SLC4A4: variants seen among roughly 807,000 people sequenced by gnomAD.
SLC4A4 encodes electrogenic sodium bicarbonate cotransporter 1.
Under a neutral mutation model 111.5 loss-of-function variants are expected in SLC4A4, and 27 were observed. The observed-to-expected ratio is 0.24, with a 90% confidence interval of 0.18 to 0.33. The LOEUF is 0.33. Among genes scored for constraint, SLC4A4 ranks in the 10% least tolerant of loss-of-function variants. SLC4A4 has a pLI of 1.00. For synonymous variants in SLC4A4, 443 were observed against 463.4 expected, an observed-to-expected ratio of 0.96 and a Z score of 0.57; for missense variants, 909 against 1,315.5, an observed-to-expected ratio of 0.69 and a Z score of 4.78.
intron 21 of SLC4A4, among the ~76,000 whole-genome samples, chr4:71,556,915 G>A (rs1158932659): frequency 6.6e-6 from 1 of 151,956 alleles, no homozygotes. Context: ...TATTTACTGA[G>A]CATCTTTCAT....
chr4:71,222,550 G>A (rs1718810527), intron 1 of SLC4A4, among the ~76,000 whole-genome samples: 2 of 152,260 alleles, frequency 1.3e-5, no homozygotes, highest in African/African-American at 4.8e-5. Context: ...ATAATGCCTA[G>A]TCATAGCAGA....
At chr4:71,123,883 C>A (rs1743496027) in intron 2 of SLC4A4, among the ~76,000 whole-genome samples, 1 of 152,122 alleles carries the variant, frequency 6.6e-6, no homozygotes, top group African/African-American at 2.4e-5. Context: ...TTAAAAGCAT[C>A]AATTGGGACA....
intron 13 of SLC4A4, among the ~76,000 whole-genome samples, chr4:71,471,157 G>C (rs1413775836): frequency 2.0e-5 from 3 of 151,898 alleles, no homozygotes; most frequent in African/African-American, 4.8e-5. Context: ...TAGTTCATAG[G>C]TCAGTGTCAG....
intron 1 of SLC4A4, among the ~76,000 whole-genome samples, chr4:71,085,188 C>T (rs533907511): frequency 2.0e-5 from 3 of 152,106 alleles, no homozygotes; most frequent in Non-Finnish European, 4.4e-5. Context: ...TGTCTTTTGG[C>T]TGCATAAATG....
At chr4:71,089,650 G>A (rs1651201741) in intron 1 of SLC4A4, among the ~76,000 whole-genome samples, 1 of 151,866 alleles carries the variant, frequency 6.6e-6, no homozygotes, top group Non-Finnish European at 1.5e-5. Context: ...TTTGGAGTTT[G>A]CTGGAGGTCC....
At position 71,519,816 on chromosome 4, in the gene SLC4A4, G is replaced by T. The variant is rs542424933; in HGVS notation, c.2167-12246G>T. 2.6e-4 allele frequency among the ~76,000 whole-genome samples: 39 copies of T among 151,846 alleles called. 1 individual carries two copies. Among genetic ancestry groups the T allele is most frequent in the East Asian group, 5.8e-4 (3 of 5,166 alleles). On this transcript the variant is annotated intron_variant, in intron 16 of 25. Coordinates refer to ENST00000264485, the MANE Select transcript of SLC4A4 (RefSeq NM_001098484.3). Reference sequence around the variant, plus strand: ...TGCCCAGCATATTTTGTATTTTTTTGTTGTTGTTTTTTTAGTAGAGACTGG... The same window carrying T: ...TGCCCAGCATATTTTGTATTTTTTTTTTGTTGTTTTTTTAGTAGAGACTGG...
At chr4:71,106,153 T>C (rs1208203451) in intron 2 of SLC4A4, among the ~76,000 whole-genome samples, 1 of 151,694 alleles carries the variant, frequency 6.6e-6, no homozygotes. Flanking sequence ...ATTTATGCAG[T>C]CAAAAAACAC....
chr4:71,114,543 C>T (rs1166919990), intron 2 of SLC4A4, among the ~76,000 whole-genome samples: 1 of 150,532 alleles, frequency 6.6e-6, no homozygotes, highest in Non-Finnish European at 1.5e-5. Context: ...ACAGACACTT[C>T]TCAAAAGAAG....
chr4:71,304,721 C>A (rs1385813237), intron 3 of SLC4A4, among the ~76,000 whole-genome samples: 1 of 152,178 alleles, frequency 6.6e-6, no homozygotes, highest in Non-Finnish European at 1.5e-5. Flanking sequence ...ATTCTGGGTC[C>A]AGATTCTCAA....
rs754026790 is a variant in SLC4A4 at position 71,450,491 on chromosome 4, G to A, written c.1156G>A (p.Asp386Asn). The stretch of plus-strand genomic sequence containing the variant: ...CATCGTCCTTCCACCTGGGGAATGG[G>A]ATCCAGCAATTAGGATAGAGCCTCC... ...EVIVLPPGEW[D>N]PAIRIEPPKS... Residue 386 changes from aspartate (D) to asparagine (N), a missense_variant, in exon 10 of 26, where the codon GAT becomes AAT. Physicochemically the swap from Asp to Asn is conservative, Grantham distance 23. Transcript: ENST00000264485. 6.2e-7 allele frequency: 1 copy of A among 1,613,818 alleles called. No individual in the cohort carries two copies. The highest frequency in any genetic ancestry group is 8.5e-7 in the Non-Finnish European group (1 of 1,179,852).
chr4:71,147,880 G>A (rs1412680970), intron 2 of SLC4A4, among the ~76,000 whole-genome samples: 4 of 152,130 alleles, frequency 2.6e-5, no homozygotes, highest in Admixed American at 1.3e-4. Flanking sequence ...TGGTTGTCCC[G>A]AGGGAGGACA....
At chr4:71,442,074 T>C (rs1489053700) in intron 8 of SLC4A4, among the ~76,000 whole-genome samples, 3 of 152,198 alleles carry the variant, frequency 2.0e-5, no homozygotes, top group African/African-American at 7.2e-5. Flanking sequence ...TACTAGGGGT[T>C]GAAAGAAAAA....
At position 71,387,640 on chromosome 4, in the gene SLC4A4, G is replaced by A. The variant is rs187685515; in HGVS notation, c.731-9937G>A. Among the ~76,000 whole-genome samples, 333 of 151,978 alleles carry A rather than the reference G, an allele frequency of 2.2e-3. 2 individuals are homozygous for A. Among genetic ancestry groups the A allele is most frequent in the African/African-American group, 7.6e-3 (316 of 41,458 alleles). On this transcript the variant is annotated intron_variant, in intron 6 of 25. Transcript: ENST00000264485. ...CTCCCGAGTAGCTGGGATTACAGGC[G>A]TGCACCACCACGCCTGGCTAATTTT...
At chr4:71,363,843 C>T (rs928286716) in intron 6 of SLC4A4, among the ~76,000 whole-genome samples, 13 of 152,162 alleles carry the variant, frequency 8.5e-5, no homozygotes, top group African/African-American at 2.7e-4. Flanking sequence ...ATAAATGAAC[C>T]GATCTATGGA....
At chr4:71,332,353 A>G (rs547582616) in intron 3 of SLC4A4, among the ~76,000 whole-genome samples, 14 of 152,012 alleles carry the variant, frequency 9.2e-5, no homozygotes, top group African/African-American at 2.2e-4. Flanking sequence ...CTTTATGCCA[A>G]TAACCCTTAG....
intron 1 of SLC4A4, among the ~76,000 whole-genome samples, chr4:71,193,021 A>T (rs1044210754): frequency 2.0e-5 from 3 of 152,210 alleles, no homozygotes; most frequent in Non-Finnish European, 4.4e-5. Flanking sequence ...GTGAAGCATC[A>T]GTTTATTCTC....
intron 12 of SLC4A4, among the ~76,000 whole-genome samples, chr4:71,457,509 C>G (rs1310128617): frequency 6.6e-6 from 1 of 152,140 alleles, no homozygotes. Flanking sequence ...ATCTGAGATG[C>G]AACCCTGGCT....
At chr4:71,245,616 T>G (rs1285140324) in intron 2 of SLC4A4, among the ~76,000 whole-genome samples, 1 of 152,014 alleles carries the variant, frequency 6.6e-6, no homozygotes, top group Non-Finnish European at 1.5e-5. Flanking sequence ...CTTTTGTATA[T>G]ATTGAATTTG....
intron 24 of SLC4A4, 49 bp from the exon 25 acceptor site, chr4:71,566,955 C>T (rs1221994532): frequency 1.3e-6 from 2 of 1,492,220 alleles, no homozygotes; most frequent in East Asian, 2.3e-5. Flanking sequence ...TTGTTTTATA[C>T]TTCACCAAAG....
Sources: allele counts gnomAD v4.1 joint callset (sites outside exome capture counted in the v4.1 genomes callset), GRCh38; gene constraint gnomAD v4.1.1; transcripts MANE v1.5; gene names NCBI Gene and HGNC (gene_info 2026-07-23, HGNC 2026-07-21).